The following ZNF618 variants were observed in gnomAD, a reference collection of about 807,000 sequenced individuals.
ZNF618 encodes the protein zinc finger protein 618.
ZNF618 carries 34 observed loss-of-function variants against 103.0 expected under a neutral mutation model. That is an observed-to-expected ratio of 0.33 (90% CI 0.25 to 0.44). ZNF618 has a LOEUF of 0.44. ZNF618 is among the 20% of genes least tolerant of loss of function. The probability of loss-of-function intolerance (pLI) is 1.00; values close to 1 mark genes in which losing one functional copy is unlikely to be tolerated. For missense variants in ZNF618, 1,059 were observed against 1,295.4 expected (o/e 0.82, Z 2.80); for synonymous variants, 551 against 542.2 (o/e 1.02, Z -0.23).
chr9:114,009,160 G>T (rs1842025397), intron 9 of ZNF618, among the ~76,000 whole-genome samples: 1 of 152,158 alleles, frequency 6.6e-6, no homozygotes, highest in African/African-American at 2.4e-5. Flanking sequence ...TCCTGCCCTT[G>T]GGTAATTCAG....
chr9:113,932,679 C>G (rs534386240), intron 1 of ZNF618, among the ~76,000 whole-genome samples: 439 of 152,182 alleles, frequency 2.9e-3, no homozygotes, highest in Non-Finnish European at 4.6e-3. Flanking sequence ...GAGGCTAACC[C>G]CAGTCTAGGT....
intron 1 of ZNF618, among the ~76,000 whole-genome samples, chr9:113,950,467 C>T (rs1311603791): frequency 6.6e-6 from 1 of 152,164 alleles, no homozygotes; most frequent in Admixed American, 6.5e-5. Context: ...GGTTGATGAT[C>T]CATGTGAGTC....
chr9:113,921,034 T>C (rs771934566), intron 1 of ZNF618, among the ~76,000 whole-genome samples: 3 of 152,220 alleles, frequency 2.0e-5, no homozygotes, highest in Non-Finnish European at 4.4e-5. Context: ...GGCTGACCTA[T>C]TGGTGGCTCC....
At chr9:114,002,820 C>A (rs890144918) in intron 6 of ZNF618, among the ~76,000 whole-genome samples, 158 bp downstream of exon 6, 1 of 152,182 alleles carries the variant, frequency 6.6e-6, no homozygotes, top group Non-Finnish European at 1.5e-5. Context: ...CTTACAAAAC[C>A]GCAATGCGGT....
intron 1 of ZNF618, among the ~76,000 whole-genome samples, chr9:113,954,500 G>C (rs1350021541): frequency 6.6e-6 from 1 of 152,192 alleles, no homozygotes; most frequent in Non-Finnish European, 1.5e-5. Context: ...TCCAAGCTGT[G>C]ATTCCACTGG....
chr9:114,048,612 GC>G (rs766467590), intron 14 of ZNF618, 38 bp from the exon 15 acceptor site: 115 of 1,572,686 alleles, frequency 7.3e-5, no homozygotes, highest in Non-Finnish European at 9.8e-5. Context: ...AGCCTTGAAT[GC>G]CAGAATTAAT....
intron 1 of ZNF618, among the ~76,000 whole-genome samples, chr9:113,906,233 T>C (rs1297557128): frequency 6.6e-6 from 1 of 152,182 alleles, no homozygotes; most frequent in African/African-American, 2.4e-5. Context: ...CGCTGTTTTA[T>C]ATTTCTGAGG....
intron 2 of ZNF618, among the ~76,000 whole-genome samples, chr9:113,983,631 G>T (rs1277376949): frequency 6.6e-6 from 1 of 152,184 alleles, no homozygotes; most frequent in African/African-American, 2.4e-5. Flanking sequence ...AAGAACTAGG[G>T]AGAGGCTGCC....
At chr9:113,970,062 T>C (rs1479000826) in intron 2 of ZNF618, among the ~76,000 whole-genome samples, 9 of 152,212 alleles carry the variant, frequency 5.9e-5, no homozygotes, top group Admixed American at 3.3e-4. Context: ...AGGTTCTTTC[T>C]GTGGCCCAGT....
At chr9:113,889,142 G>T (rs1487195030) in intron 1 of ZNF618, among the ~76,000 whole-genome samples, 1 of 152,150 alleles carries the variant, frequency 6.6e-6, no homozygotes, top group Non-Finnish European at 1.5e-5. Context: ...GTTTCTGTGG[G>T]CTAGGAATTT....
chr9:113,909,839 C>T (rs1474237513), intron 1 of ZNF618, among the ~76,000 whole-genome samples: 2 of 151,442 alleles, frequency 1.3e-5, no homozygotes, highest in East Asian at 1.9e-4. Context: ...GGCTGGAGTG[C>T]GGTGGCGCGG....
At chr9:113,946,214 C>T (rs1341411084) in intron 1 of ZNF618, among the ~76,000 whole-genome samples, 2 of 152,208 alleles carry the variant, frequency 1.3e-5, no homozygotes, top group African/African-American at 2.4e-5. Context: ...AGCCCCCTCA[C>T]GGAAACCTGG....
At position 114,050,899 on chromosome 9, in the gene ZNF618, C is replaced by T. The variant is rs1044189833; in HGVS notation, c.*732C>T. ...GCCTTTGAGATACCCCTTGGGTGTCCCGGGGCAGCCGCCTTAGAAACACAC... is the reference window on the plus strand; with the variant it reads ...GCCTTTGAGATACCCCTTGGGTGTCTCGGGGCAGCCGCCTTAGAAACACAC... On this transcript the variant is annotated 3_prime_UTR_variant, in exon 15 of 15. Coordinates refer to ENST00000374126, the MANE Select transcript of ZNF618 (RefSeq NM_001318042.2). The T allele has an allele frequency of 1.3e-5, 2 of 152,760 alleles. No individual in the cohort carries two copies. The highest frequency in any genetic ancestry group is 2.1e-4 in the South Asian group (1 of 4,822). The allele number at this position is 152,760 out of a possible 1,614,324, so 9.5% of individuals were successfully genotyped here. A position where few individuals can be genotyped will look rare whatever the true frequency, so the allele number is the denominator to read the frequency against.
intron 1 of ZNF618, among the ~76,000 whole-genome samples, chr9:113,902,537 G>A (rs1279981826): frequency 1.3e-5 from 2 of 152,104 alleles, no homozygotes; most frequent in Non-Finnish European, 2.9e-5. Flanking sequence ...TTTTGTTTAT[G>A]TGTTTTTAGA....
rs535955001 is a variant in ZNF618 at position 113,924,973 on chromosome 9, T to C, written c.34-44144T>C. 5.9e-5 allele frequency among the ~76,000 whole-genome samples: 9 copies of C among 152,128 alleles called. 1 individual carries two copies. The South Asian group carries it at 1.9e-3, about 32-fold the overall frequency. ...ACTATCTTGGTGAATGTTCTGTGTGTCCTTGAGAAGAATGTGTATTGTGGT... is the reference window on the plus strand; with the variant it reads ...ACTATCTTGGTGAATGTTCTGTGTGCCCTTGAGAAGAATGTGTATTGTGGT... On this transcript the variant is annotated intron_variant, in intron 1 of 14. Transcript: ENST00000374126.
At chr9:114,016,639 G>A in intron 9 of ZNF618, 56 bp from the exon 10 acceptor site, 1 of 1,425,202 alleles carries the variant, frequency 7.0e-7, no homozygotes, top group Non-Finnish European at 9.8e-7. Context: ...GCACGCTGAT[G>A]CTTCTTGGTG....
chr9:113,887,411 A>T (rs1054841088), intron 1 of ZNF618, among the ~76,000 whole-genome samples: 3 of 152,208 alleles, frequency 2.0e-5, no homozygotes, highest in Admixed American at 6.5e-5. Context: ...AATCTAAAAG[A>T]TAATCCCTGA....
intron 1 of ZNF618, among the ~76,000 whole-genome samples, chr9:113,896,035 C>A (rs1830008837): frequency 6.8e-6 from 1 of 147,336 alleles, no homozygotes; most frequent in African/African-American, 2.5e-5. Context: ...ATTTCCTAAA[C>A]TGATTTTTTT....
intron 1 of ZNF618, among the ~76,000 whole-genome samples, chr9:113,882,703 T>G (rs1317811894): frequency 6.6e-6 from 1 of 152,208 alleles, no homozygotes; most frequent in African/African-American, 2.4e-5. Flanking sequence ...CTGGATTTGT[T>G]TCTGAGCCTG....
Sources: gnomAD v4.1 joint callset for allele counts (sites outside exome capture counted in the v4.1 genomes callset) on GRCh38, gnomAD v4.1.1 for gene constraint, MANE v1.5 for transcripts, NCBI Gene and HGNC (gene_info 2026-07-23, HGNC 2026-07-21) for gene names.